MGMT: variants seen among roughly 807,000 people sequenced by gnomAD.
MGMT encodes O-6-methylguanine-DNA methyltransferase.
In MGMT, 14 loss-of-function variants were observed where a neutral mutation model predicts 15.9. That is an observed-to-expected ratio of 0.88 (90% CI 0.58 to 1.37). The LOEUF (loss-of-function observed/expected upper bound fraction) is 1.37. MGMT is among the 40% of genes most tolerant of loss of function. The probability of loss-of-function intolerance (pLI) is 0.00; values close to 1 mark genes in which losing one functional copy is unlikely to be tolerated. For missense variants in MGMT, 282 were observed against 268.1 expected (o/e 1.05, Z -0.36); for synonymous variants, 130 against 118.2 (o/e 1.10, Z -0.65).
chr10:129,527,442 C>T (rs998718530), intron 1 of MGMT, among the ~76,000 whole-genome samples: 3 of 152,150 alleles, frequency 2.0e-5, no homozygotes, highest in Admixed American at 1.3e-4. Flanking sequence ...GATGGTACGC[C>T]GAGGGCCTCT....
At chr10:129,742,532 A>C (rs896039326) in intron 3 of MGMT, among the ~76,000 whole-genome samples, 2 of 149,690 alleles carry the variant, frequency 1.3e-5, no homozygotes, top group African/African-American at 2.5e-5. Context: ...GGCATTCAGC[A>C]GTGCCCCACG....
chr10:129,495,934 A>T (rs980315399), intron 1 of MGMT, among the ~76,000 whole-genome samples: 6 of 152,162 alleles, frequency 3.9e-5, no homozygotes, highest in African/African-American at 1.4e-4. Flanking sequence ...CAGGCTGCGG[A>T]TGGATGGCAT....
intron 2 of MGMT, among the ~76,000 whole-genome samples, chr10:129,550,418 C>T (rs1222179465): frequency 6.6e-6 from 1 of 151,162 alleles, no homozygotes; most frequent in Non-Finnish European, 1.5e-5. Flanking sequence ...TCACCACCAC[C>T]CAGCACTGGA....
rs1302331321 is a variant in MGMT, at chr10:129,566,617, C to T, written c.125+30240C>T. Among the ~76,000 whole-genome samples the T allele has an allele frequency of 6.6e-6, 1 of 152,182 alleles. No homozygotes were observed. The highest frequency in any genetic ancestry group is 1.5e-5 in the Non-Finnish European group (1 of 68,032). On this transcript the variant is annotated intron_variant, in intron 2 of 4. Coordinates refer to ENST00000651593, the MANE Select transcript of MGMT (RefSeq NM_002412.5). This position sits in a 1 kb window ranked among gnomAD's most constrained non-coding sequence, Gnocchi z 4.1. ...AGCCCTCGCATTCCTACACATACCC[C>T]TTTGCCCGTGGGATTTTTGCTGTTT... is the stretch of plus-strand genomic sequence containing the variant.
At chr10:129,599,973 A>AGTAG (rs71035597) in intron 2 of MGMT, among the ~76,000 whole-genome samples, 33,903 of 151,412 alleles carry the variant, frequency 0.22, 4,395 homozygotes, top group Non-Finnish European at 0.29. Context: ...CCTATAGGTA[A>AGTAG]GTAGGTAGGT....
chr10:129,609,593 C>T (rs948243891), intron 2 of MGMT, among the ~76,000 whole-genome samples: 1 of 152,214 alleles, frequency 6.6e-6, no homozygotes, highest in Non-Finnish European at 1.5e-5. Flanking sequence ...TTTGCAAACT[C>T]TGGTGCTGGG....
chr10:129,756,208 C>T (rs1848804135), intron 3 of MGMT, among the ~76,000 whole-genome samples: 1 of 152,158 alleles, frequency 6.6e-6, no homozygotes, highest in African/African-American at 2.4e-5. Flanking sequence ...ATGAAAATAG[C>T]CATGTCCTTC....
At chr10:129,542,438 A>G (rs943136200) in intron 2 of MGMT, among the ~76,000 whole-genome samples, 2 of 152,144 alleles carry the variant, frequency 1.3e-5, no homozygotes, top group African/African-American at 4.8e-5. Flanking sequence ...CACTTGCCGC[A>G]TTCACGTTAC....
chr10:129,612,108 G>A (rs190834812), intron 2 of MGMT, among the ~76,000 whole-genome samples: 4 of 152,238 alleles, frequency 2.6e-5, no homozygotes, highest in African/African-American at 9.6e-5. Context: ...TTGAAGTCCA[G>A]GGGACTTCCA....
chr10:129,633,941 T>C (rs1293822627), intron 2 of MGMT, among the ~76,000 whole-genome samples: 1 of 152,214 alleles, frequency 6.6e-6, no homozygotes, highest in African/African-American at 2.4e-5. Context: ...CAATAAAGTT[T>C]TATTGCTCTT....
intron 2 of MGMT, among the ~76,000 whole-genome samples, chr10:129,635,794 T>G (rs898304772): frequency 6.6e-6 from 1 of 152,320 alleles, no homozygotes; most frequent in Non-Finnish European, 1.5e-5. Context: ...CAAAGGACTC[T>G]CACAGTGTAA....
At chr10:129,650,519 G>A (rs568396342) in intron 2 of MGMT, among the ~76,000 whole-genome samples, 5 of 152,272 alleles carry the variant, frequency 3.3e-5, no homozygotes, top group East Asian at 1.9e-4. Flanking sequence ...ATAGGAATGC[G>A]CATGAACGGA....
chr10:129,586,003 G>A (rs927490131), intron 2 of MGMT, among the ~76,000 whole-genome samples: 7 of 152,156 alleles, frequency 4.6e-5, no homozygotes, highest in Admixed American at 2.0e-4. Context: ...GCTACTAAGC[G>A]ACAGAAGGGC....
chr10:129,757,642 T>C (rs367972618), intron 3 of MGMT, among the ~76,000 whole-genome samples: 3 of 152,234 alleles, frequency 2.0e-5, no homozygotes, highest in East Asian at 1.9e-4. Context: ...TGCTTTTTTT[T>C]AAAGTTAGGC....
chr10:129,744,447 G>C (rs140713407), intron 3 of MGMT, among the ~76,000 whole-genome samples: 39 of 152,354 alleles, frequency 2.6e-4, no homozygotes, highest in African/African-American at 8.7e-4. Context: ...GATGTCAGGG[G>C]CTGTTCCTTC....
chr10:129,555,540 C>T (rs1261175666), intron 2 of MGMT, among the ~76,000 whole-genome samples: 1 of 151,266 alleles, frequency 6.6e-6, no homozygotes. Flanking sequence ...GATTCTGTCT[C>T]TACAAAAAAA....
intron 2 of MGMT, among the ~76,000 whole-genome samples, chr10:129,678,096 G>A (rs542758819): frequency 1.5e-4 from 23 of 151,898 alleles, no homozygotes; most frequent in Admixed American, 9.2e-4. Flanking sequence ...AAGGCTGGGC[G>A]TAAAACTGAA....
chr10:129,487,365 G>A (rs1311046454), intron 1 of MGMT, among the ~76,000 whole-genome samples: 11 of 152,106 alleles, frequency 7.2e-5, no homozygotes. Flanking sequence ...TTGCTAGGAA[G>A]TAAAGGAGAA....
intron 2 of MGMT, among the ~76,000 whole-genome samples, chr10:129,685,283 A>G (rs1847892886): frequency 6.6e-6 from 1 of 152,204 alleles, no homozygotes; most frequent in African/African-American, 2.4e-5. Flanking sequence ...AGTTTTGGTT[A>G]CTGATGATCA....
Sources: gnomAD v4.1 joint callset for allele counts (sites outside exome capture counted in the v4.1 genomes callset) on GRCh38, gnomAD v4.1.1 for gene constraint, Gnocchi (gnomAD v3.1) non-coding constraint, MANE v1.5 for transcripts, NCBI Gene and HGNC (gene_info 2026-07-23, HGNC 2026-07-21) for gene names.